PVR: variants seen among roughly 807,000 people sequenced by gnomAD.
PVR encodes poliovirus receptor.
Under a neutral mutation model 43.3 loss-of-function variants are expected in PVR, and 39 were observed. That is an observed-to-expected ratio of 0.90 (90% CI 0.70 to 1.18). The LOEUF (loss-of-function observed/expected upper bound fraction) is 1.18. Among genes scored for constraint, PVR ranks in the 50% most tolerant of loss-of-function variants. PVR has a pLI of 0.00. For missense variants in PVR, 480 were observed against 549.7 expected, an observed-to-expected ratio of 0.87 and a Z score of 1.27; for synonymous variants, 224 against 233.2, an observed-to-expected ratio of 0.96 and a Z score of 0.36.
At chr19:44,657,164 TCTATCCATCAGTC>T (rs1280094810) in intron 4 of PVR, among the ~76,000 whole-genome samples, 2 of 152,154 alleles carry the variant, frequency 1.3e-5, no homozygotes, top group Non-Finnish European at 2.9e-5. Context: ...CAAACCCATT[TCTATCCATCAGTC>T]CCTGCATAAG....
chr19:44,657,085 T>C (rs553191031), intron 4 of PVR, among the ~76,000 whole-genome samples: 9 of 152,212 alleles, frequency 5.9e-5, no homozygotes, highest in African/African-American at 1.9e-4. Context: ...AGCAGAGGCC[T>C]GAAGGAGATG....
chr19:44,647,125 C>T (rs940285216), intron 1 of PVR, 98 bp from the exon 2 acceptor site: 1 of 803,684 alleles, frequency 1.2e-6, no homozygotes, highest in Non-Finnish European at 1.9e-6. Flanking sequence ...AGGGCCCCAG[C>T]GTGCAAGTGC....
chr19:44,661,553 G>T (rs545795066), intron 7 of PVR, among the ~76,000 whole-genome samples, 187 bp from the exon 8 acceptor site: 2 of 151,996 alleles, frequency 1.3e-5, no homozygotes, highest in African/African-American at 4.8e-5. Context: ...TTTAATATCC[G>T]CTCTCTCCCC....
At chr19:44,646,558 A>T (rs569163387) in intron 1 of PVR, among the ~76,000 whole-genome samples, 2 of 152,292 alleles carry the variant, frequency 1.3e-5, no homozygotes, top group South Asian at 4.1e-4. Flanking sequence ...TGAGGTCAGG[A>T]GTTCAAGACC....
intron 3 of PVR, among the ~76,000 whole-genome samples, chr19:44,651,197 T>A (rs1455783579): frequency 1.3e-5 from 2 of 152,094 alleles, no homozygotes; most frequent in Non-Finnish European, 1.5e-5. Flanking sequence ...TGCCTTACCA[T>A]TGTCTACACT....
At chr19:44,644,767 G>T (rs1341920548) in intron 1 of PVR, among the ~76,000 whole-genome samples, 1 of 146,614 alleles carries the variant, frequency 6.8e-6, no homozygotes, top group African/African-American at 2.5e-5. Flanking sequence ...CCAGGCTGGA[G>T]TGCAGTGTCC....
intron 4 of PVR, among the ~76,000 whole-genome samples, chr19:44,656,522 C>T (rs190583389): frequency 6.6e-6 from 1 of 152,276 alleles, no homozygotes; most frequent in East Asian, 1.9e-4. Context: ...TACTGTGTGC[C>T]GGGTGCAATT....
Position 44,661,700 on chromosome 19 carries a change from A to G in PVR, c.1183-40A>G, listed in dbSNP as rs1251122832. The G allele has an allele frequency of 2.5e-6, 4 of 1,593,312 alleles. No homozygotes were observed. In the African/African-American group the frequency reaches 4.0e-5, roughly 16 times the overall value. On this transcript the variant is annotated intron_variant, in intron 7 of 7. Transcript: ENST00000425690. ...AGTGGGAAGATGTTTGATTTTGTTC[A>G]AAAGAGCCCCAAGGCTAAAATTTGA...
rs748223177 is a variant in PVR at position 44,661,831 on chromosome 19, GGAGA to G, written c.*25_*28del. ...AGGTGACAGCGTCGGGACTGAGAGG[GGAGA>G]GAGACTGGAGCTGGCAAGGACGTGG... On this transcript the variant is annotated 3_prime_UTR_variant, in exon 8 of 8. Coordinates refer to ENST00000425690, the MANE Select transcript of PVR (RefSeq NM_006505.5). 1.2e-6 allele frequency: 2 copies of G among 1,611,782 alleles called. No homozygotes were observed. The highest frequency in any genetic ancestry group is 1.1e-5 in the South Asian group (1 of 91,036).
intron 1 of PVR, among the ~76,000 whole-genome samples, chr19:44,644,719 CTTTT>C (rs11362724): frequency 7.4e-6 from 1 of 135,938 alleles, no homozygotes; most frequent in Non-Finnish European, 1.6e-5. Flanking sequence ...TTCTTTCATT[CTTTT>C]TTTTTTTTTT....
chr19:44,658,713 A>C, intron 5 of PVR, 29 bp from the exon 6 acceptor site: 2 of 1,559,096 alleles, frequency 1.3e-6, no homozygotes, highest in Non-Finnish European at 1.7e-6. Context: ...GAGTTTCCTT[A>C]CCTAAATACC....
rs995974261 is a variant in PVR at position 44,657,929 on chromosome 19, G to A, written c.991+19G>A. 1.2e-6 allele frequency: 2 copies of A among 1,611,110 alleles called. No homozygotes were observed. Among genetic ancestry groups the A allele is most frequent in the Admixed American group, 1.7e-5 (1 of 59,252 alleles). ...GTCAAAGGTGAGGAACTCCCTGGGT[G>A]GGAAGAACAGGGACCAAAGGAAGAG... On this transcript the variant is annotated intron_variant, in intron 5 of 7. Transcript: ENST00000425690.
chr19:44,647,695 G>T (rs901715938), intron 2 of PVR, 125 bp downstream of exon 2: 11 of 383,016 alleles, frequency 2.9e-5, no homozygotes, highest in Non-Finnish European at 4.4e-5. Flanking sequence ...ATCCCCTGGG[G>T]ACAAAAGGAG....
At chr19:44,648,231 A>G (rs1386031042) in intron 2 of PVR, among the ~76,000 whole-genome samples, 2 of 152,232 alleles carry the variant, frequency 1.3e-5, no homozygotes, top group Non-Finnish European at 2.9e-5. Flanking sequence ...GCCTTAGGGC[A>G]GCGGCGCTTC....
intron 1 of PVR, among the ~76,000 whole-genome samples, chr19:44,646,447 T>A (rs1372803299): frequency 6.6e-6 from 1 of 152,116 alleles, no homozygotes; most frequent in Non-Finnish European, 1.5e-5. Flanking sequence ...TCATGGTATG[T>A]GAAACCTACG....
chr19:44,647,287 C>G lies in PVR; in HGVS notation c.144C>G (p.Pro48=). 1.3e-6 allele frequency: 2 copies of G among 1,584,758 alleles called. No individual in the cohort carries two copies. The highest frequency in any genetic ancestry group is 1.7e-6 in the Non-Finnish European group (2 of 1,165,544). ...TCTTGGGCGACTCCGTGACGCTGCC[C>G]TGCTACCTACAGGTGCCCAACATGG... The part of the protein sequence containing the change: ...PGFLGDSVTL[P]CYLQVPNMEV... The change falls in exon 2 of 8, where the codon CCC becomes CCG. Residue 48 remains proline, a synonymous_variant. Coordinates refer to ENST00000425690, the MANE Select transcript of PVR (RefSeq NM_006505.5).
intron 2 of PVR, among the ~76,000 whole-genome samples, 168 bp from the exon 3 acceptor site, chr19:44,649,641 G>A (rs538471826): frequency 3.9e-5 from 6 of 152,076 alleles, no homozygotes; most frequent in African/African-American, 1.2e-4. Context: ...GGCTGGTCTC[G>A]AACTCCTGAC....
intron 4 of PVR, among the ~76,000 whole-genome samples, chr19:44,654,844 G>T (rs1168090712): frequency 6.6e-6 from 1 of 152,074 alleles, no homozygotes; most frequent in Non-Finnish European, 1.5e-5. Context: ...GAAGCCAAAA[G>T]ATTGGACACC....
In PVR at chr19:44,644,816, A is replaced by G. The variant is rs547819052; in HGVS notation, c.79+641A>G. 6.0e-5 allele frequency among the ~76,000 whole-genome samples: 9 copies of G among 148,796 alleles called. No individual in the cohort carries two copies. In the South Asian group the frequency reaches 1.9e-3, roughly 31 times the overall value. On this transcript the variant is annotated intron_variant, in intron 1 of 7. Transcript: ENST00000425690. ...CTGCAGCCTCCTCCTCCCGAGTTCAAGCGATTCTCCTGCTTCAGCCTCCCG... is the reference window on the plus strand; with the variant it reads ...CTGCAGCCTCCTCCTCCCGAGTTCAGGCGATTCTCCTGCTTCAGCCTCCCG...
Sources: gnomAD v4.1 joint callset for allele counts (sites outside exome capture counted in the v4.1 genomes callset) on GRCh38, gnomAD v4.1.1 for gene constraint, MANE v1.5 for transcripts, NCBI Gene and HGNC (gene_info 2026-07-23, HGNC 2026-07-21) for gene names.